The following SMTN variants were observed in gnomAD, a reference collection of about 807,000 sequenced individuals.
SMTN encodes the protein smoothelin.
SMTN carries 58 observed loss-of-function variants against 102.0 expected under a neutral mutation model. The observed-to-expected ratio is 0.57, with a 90% confidence interval of 0.46 to 0.71. The LOEUF (loss-of-function observed/expected upper bound fraction) is 0.71, where lower values mean the gene tolerates loss of function less well. Ranked by LOEUF, SMTN falls within the 30% of genes least tolerant of loss-of-function variation. The pLI, the probability that SMTN is intolerant of heterozygous loss-of-function variation, is 0.00. For missense variants in SMTN, 1,185 were observed against 1,241.7 expected (o/e 0.95, Z 0.69); for synonymous variants, 478 against 497.9 (o/e 0.96, Z 0.53).
rs1313827919 is a variant in SMTN, at chr22:31,099,126, A to G, written c.2398A>G (p.Ser800Gly). The G allele has an allele frequency of 2.5e-6, 4 of 1,613,278 alleles. No individual in the cohort carries two copies. The African/African-American group carries it at 5.3e-5, about 22-fold the overall frequency. The part of the protein sequence containing the change: ...STSFGVPNAN[S>G]IKQMLLDWCR... ...CAGCTTCGGGGTCCCCAACGCCAAC[A>G]GCATCAAGCAGATGCTGCTGGACTG... Residue 800 changes from serine to glycine, a missense_variant, in exon 18 of 21, where the codon AGC (serine) becomes GGC (glycine). Physicochemically the swap from Ser to Gly is moderately conservative, Grantham distance 56. Transcript: ENST00000333137.
rs567692951 is a variant in SMTN at position 31,092,271 on chromosome 22, C to T, written c.1632+424C>T. 1.2e-4 allele frequency among the ~76,000 whole-genome samples: 19 copies of T among 152,290 alleles called. No homozygotes were observed. In the South Asian group the frequency reaches 2.1e-3, roughly 17 times the overall value. On this transcript the variant is annotated intron_variant, in intron 11 of 20. Coordinates refer to ENST00000333137, the MANE Select transcript of SMTN (RefSeq NM_134269.3). ...CGAGGTATAGAGCAGCTCATCTGCTCATCCAAGATCAGCCTGGCCCATTAG... is the reference window on the plus strand; with the variant it reads ...CGAGGTATAGAGCAGCTCATCTGCTTATCCAAGATCAGCCTGGCCCATTAG...
intron 2 of SMTN, chr22:31,085,314 C>T: frequency 6.7e-7 from 1 of 1,482,526 alleles, no homozygotes; most frequent in Middle Eastern, 1.7e-4. Context: ...AGGGCGGCGC[C>T]CTGCGAGGGA....
At chr22:31,092,943 G>T (rs986951623) in intron 11 of SMTN, among the ~76,000 whole-genome samples, 1 of 152,236 alleles carries the variant, frequency 6.6e-6, no homozygotes, top group African/African-American at 2.4e-5. Flanking sequence ...CTGCCTCCCT[G>T]TGCCTCCATT....
chr22:31,093,608 C>T, intron 11 of SMTN: 1 of 758,844 alleles, frequency 1.3e-6, no homozygotes, highest in African/African-American at 1.7e-5. Context: ...GTGGCCCGGG[C>T]AGCTGAAGAG....
At chr22:31,081,059 C>A (rs957267217), upstream of SMTN, among the ~76,000 whole-genome samples, 3 of 152,070 alleles carry the variant, frequency 2.0e-5, no homozygotes, top group Admixed American at 2.0e-4. Context: ...GCGCCCCCCC[C>A]GACTTGGCGC....
At chr22:31,096,515 T>G (rs1602659306) in intron 13 of SMTN, 2 of 469,502 alleles carry the variant, frequency 4.3e-6, no homozygotes, top group Non-Finnish European at 3.7e-6. Context: ...CTCTAGTTTC[T>G]GCCTGAGTCC....
upstream of SMTN, among the ~76,000 whole-genome samples, chr22:31,081,043 C>T (rs1371361019): frequency 6.6e-6 from 1 of 152,072 alleles, no homozygotes; most frequent in East Asian, 1.9e-4. Flanking sequence ...CTTACCTCGG[C>T]TCGGGGCGCC....
chr22:31,088,274 C>T, intron 3 of SMTN, 161 bp downstream of exon 3: 2 of 939,496 alleles, frequency 2.1e-6, no homozygotes, highest in Non-Finnish European at 3.1e-6. Context: ...TGTTTGTGGG[C>T]ATGGAGCATG....
Position 31,097,014 on chromosome 22 carries a change from G to T in SMTN, c.2043G>T (p.Thr681=). 1 of 1,614,158 alleles carries T rather than the reference G, an allele frequency of 6.2e-7. No homozygotes were observed. Among genetic ancestry groups the T allele is most frequent in the African/African-American group, 1.3e-5 (1 of 75,052 alleles). ...RLVHSNDGTR[T]ARTTTVESSF... ...CCCCTGCAGATGATGGCACACGGAC[G>T]GCCCGCACCACCACAGTGGAGTCGA... Residue 681 remains threonine (T), a synonymous_variant, in exon 15 of 21, where the codon ACG becomes ACT. Transcript: ENST00000333137.
At chr22:31,104,129 C>G in intron 20 of SMTN, 187 bp from the exon 21 acceptor site, 1 of 637,986 alleles carries the variant, frequency 1.6e-6, no homozygotes. Context: ...CTCCCCCGCC[C>G]CGAGAGATGC....
chr22:31,083,020 C>T (rs1407340468), intron 1 of SMTN, 159 bp from the exon 2 acceptor site: 21 of 1,414,796 alleles, frequency 1.5e-5, no homozygotes, highest in Admixed American at 3.9e-5. Flanking sequence ...TTCCAGCAAA[C>T]CACCCTAGGG....
At chr22:31,093,421 A>AC in intron 11 of SMTN, 1 of 467,718 alleles carries the variant, frequency 2.1e-6, no homozygotes. Context: ...CCCCACCATT[A>AC]CCCCCCATAG....
chr22:31,082,787 T>C, intron 1 of SMTN: 2 of 1,396,106 alleles, frequency 1.4e-6, no homozygotes, highest in South Asian at 1.4e-5. Flanking sequence ...GTAGGCCCTG[T>C]GGATGGGTGG....
intron 20 of SMTN, chr22:31,104,075 T>G: frequency 1.9e-6 from 1 of 537,600 alleles, no homozygotes; most frequent in Non-Finnish European, 3.3e-6. Context: ...CTGACTGGGA[T>G]GGGGCTCTCT....
Position 31,104,335 on chromosome 22 carries a change from C to T in SMTN, c.*40C>T. On this transcript the variant is annotated 3_prime_UTR_variant, in exon 21 of 21. Coordinates refer to ENST00000333137, the MANE Select transcript of SMTN (RefSeq NM_134269.3). ...CTGCAGGATGCTGGTGGACTGTGTGCCCCTGGTGGAGGTGGACGACATGAT... is the reference window on the plus strand; with the variant it reads ...CTGCAGGATGCTGGTGGACTGTGTGTCCCTGGTGGAGGTGGACGACATGAT... 3.1e-6 allele frequency: 5 copies of T among 1,614,154 alleles called. No homozygotes were observed. Among genetic ancestry groups the T allele is most frequent in the East Asian group, 2.2e-5 (1 of 44,872 alleles).
At chr22:31,075,999 A>C (rs118163175) in intron 1 of SMTN, among the ~76,000 whole-genome samples, 4,640 of 146,984 alleles carry the variant, frequency 0.032, 106 homozygotes, top group Middle Eastern at 0.097. Flanking sequence ...TTTGGCTATT[A>C]TTAGGCCCGG....
At chr22:31,092,292 A>T (rs1212080904) in intron 11 of SMTN, among the ~76,000 whole-genome samples, 1 of 152,174 alleles carries the variant, frequency 6.6e-6, no homozygotes, top group Non-Finnish European at 1.5e-5. Flanking sequence ...AGCCTGGCCC[A>T]TTAGGAGATT....
At chr22:31,090,781 G>T (rs1278916868) in intron 8 of SMTN, 27 bp from the exon 9 acceptor site, 2 of 1,577,444 alleles carry the variant, frequency 1.3e-6, no homozygotes, top group Non-Finnish European at 1.7e-6. Context: ...TCCCCACATG[G>T]CCATCACCCC....
At chr22:31,092,512 G>A (rs1405194906) in intron 11 of SMTN, 3 of 471,114 alleles carry the variant, frequency 6.4e-6, no homozygotes, top group East Asian at 6.9e-5. Context: ...ATCCCCAAGC[G>A]GGCCACCCGG....
Sources: gnomAD v4.1 joint callset for allele counts (sites outside exome capture counted in the v4.1 genomes callset) on GRCh38, gnomAD v4.1.1 for gene constraint, MANE v1.5 for transcripts, NCBI Gene and HGNC (gene_info 2026-07-23, HGNC 2026-07-21) for gene names.